The following UBE2F variants were observed in gnomAD, a reference collection of about 807,000 sequenced individuals.
UBE2F encodes the protein ubiquitin conjugating enzyme E2 F (putative).
UBE2F carries 5 observed loss-of-function variants against 29.6 expected under a neutral mutation model. The observed-to-expected ratio is 0.17, with a 90% CI of 0.09 to 0.36. The LOEUF (loss-of-function observed/expected upper bound fraction) is 0.36. Ranked by LOEUF, UBE2F falls within the 10% of genes least tolerant of loss-of-function variation. The pLI, the probability that UBE2F is intolerant of heterozygous loss-of-function variation, is 1.00. For synonymous variants in UBE2F, 66 were observed against 81.8 expected (o/e 0.81, Z 1.04); for missense variants, 141 against 228.5 (o/e 0.62, Z 2.47).
intron 6 of UBE2F, among the ~76,000 whole-genome samples, chr2:238,029,385 G>A (rs566308450): frequency 7.2e-5 from 11 of 152,046 alleles, no homozygotes; most frequent in Admixed American, 2.6e-4. Context: ...TCAGGAGATC[G>A]AGACCATCCT....
chr2:238,019,307 T>C (rs2064236427), intron 5 of UBE2F, among the ~76,000 whole-genome samples: 1 of 152,190 alleles, frequency 6.6e-6, no homozygotes. Flanking sequence ...CTGGTGGCTC[T>C]GCATGAACCA....
intron 2 of UBE2F, 114 bp downstream of exon 2, chr2:237,973,339 G>A (rs930188895): frequency 8.3e-7 from 1 of 1,206,570 alleles, no homozygotes; most frequent in East Asian, 2.4e-5. Context: ...CTGTTTAAAA[G>A]ATTTTAAAAT....
chr2:237,970,627 T>A (rs1162145051), intron 1 of UBE2F, among the ~76,000 whole-genome samples: 1 of 152,230 alleles, frequency 6.6e-6, no homozygotes, highest in East Asian at 1.9e-4. Context: ...GTTTAGGGTA[T>A]GTGTATGTCC....
At chr2:237,990,287 TTC>T (rs2063558492) in intron 3 of UBE2F, 2 of 388,954 alleles carry the variant, frequency 5.1e-6, no homozygotes, top group African/African-American at 4.3e-5. Flanking sequence ...CATTATACTC[TTC>T]TCTTTTATTA....
At chr2:237,970,384 CAAA>C (rs1288982415) in intron 1 of UBE2F, among the ~76,000 whole-genome samples, 2 of 152,206 alleles carry the variant, frequency 1.3e-5, no homozygotes, top group African/African-American at 2.4e-5. Context: ...AAAAAACAAA[CAAA>C]AAACATTTTT....
rs57180067 is a variant in UBE2F, at chr2:237,991,609, C to CTTTCTTTTTTTTTTTTTTTTTTTTTTTTT, written c.149-3132_149-3131insCTTTTTTTTTTTTTTTTTTTTTTTTTTTT. Among the ~76,000 whole-genome samples the CTTTCTTTTTTTTTTTTTTTTTTTTTTTTT allele has an allele frequency of 1.3e-3, 71 of 53,040 alleles. 9 individuals carry two copies. Among genetic ancestry groups the CTTTCTTTTTTTTTTTTTTTTTTTTTTTTT allele is most frequent in the East Asian group, 2.7e-3 (3 of 1,104 alleles). The allele number at this position is 53,040 out of a possible 152,430, so 34.8% of individuals were successfully genotyped here. On this transcript the variant is annotated intron_variant, in intron 3 of 9. Transcript: ENST00000272930. ...AACCTTTCTTTTCTTTTCTTTCTTT[C>CTTTCTTTTTTTTTTTTTTTTTTTTTTTTT]TTTTTTTTTTTTTGAGACAGTCTTG... is the stretch of plus-strand genomic sequence containing the variant.
Position 237,967,496 on chromosome 2 carries a change from A to C in UBE2F, c.-17+364A>C, listed in dbSNP as rs550637039. Among the ~76,000 whole-genome samples the C allele has an allele frequency of 1.8e-4, 27 of 152,096 alleles. No homozygotes were observed. Among genetic ancestry groups the C allele is most frequent in the African/African-American group, 6.5e-4 (27 of 41,524 alleles). On this transcript the variant is annotated intron_variant, in intron 1 of 9. Transcript: ENST00000272930. The surrounding 1 kb of genome is among the most constrained non-coding windows in gnomAD (Gnocchi z 6.3). ...ACAGACCTGGCCGCGCTCACGCCCC[A>C]CTCGCGGGATCGGCTGCCTGCCTTG...
intron 2 of UBE2F, among the ~76,000 whole-genome samples, chr2:237,986,772 C>G (rs2063489356): frequency 6.6e-6 from 1 of 152,190 alleles, no homozygotes; most frequent in Non-Finnish European, 1.5e-5. Flanking sequence ...AAGGAACTAT[C>G]CTTTCCCCAT....
chr2:238,000,402 G>A (rs780968193), intron 4 of UBE2F, among the ~76,000 whole-genome samples: 1 of 151,844 alleles, frequency 6.6e-6, no homozygotes, highest in Non-Finnish European at 1.5e-5. Flanking sequence ...ATCTATTTTA[G>A]TGTTTTTAAA....
chr2:238,025,047 C>G (rs983850391), intron 5 of UBE2F, among the ~76,000 whole-genome samples: 4 of 152,174 alleles, frequency 2.6e-5, no homozygotes, highest in African/African-American at 4.8e-5. Flanking sequence ...TGACAGAGGT[C>G]CAGTCACCAG....
chr2:238,039,361 G>T (rs1342964231), intron 9 of UBE2F, among the ~76,000 whole-genome samples: 1 of 152,252 alleles, frequency 6.6e-6, no homozygotes, highest in Non-Finnish European at 1.5e-5. Flanking sequence ...ACCTTGGCTG[G>T]CAGTGCAAAG....
chr2:238,025,581 C>G (rs1364549879), intron 6 of UBE2F, among the ~76,000 whole-genome samples, 169 bp downstream of exon 6: 3 of 152,152 alleles, frequency 2.0e-5, no homozygotes, highest in Non-Finnish European at 2.9e-5. Flanking sequence ...CAAACCCTAC[C>G]CTACCTTCTG....
At chr2:238,030,896 A>G (rs937488562) in intron 7 of UBE2F, among the ~76,000 whole-genome samples, 58 of 152,224 alleles carry the variant, frequency 3.8e-4, no homozygotes, top group Non-Finnish European at 1.2e-4. Context: ...CACCCGCCAC[A>G]TAGGAAACCT....
At chr2:237,990,458 A>G in intron 3 of UBE2F, 1 of 447,042 alleles carries the variant, frequency 2.2e-6, no homozygotes, top group Non-Finnish European at 4.5e-6. Flanking sequence ...GTTGGAGTAC[A>G]GTGGCATGAG....
intron 5 of UBE2F, among the ~76,000 whole-genome samples, chr2:238,024,535 G>A (rs369442630): frequency 1.3e-5 from 2 of 151,896 alleles, no homozygotes; most frequent in Non-Finnish European, 1.5e-5. Flanking sequence ...GGAGAGACAG[G>A]GTCTTACTAT....
chr2:238,009,467 A>C (rs1347573351), intron 4 of UBE2F, among the ~76,000 whole-genome samples: 1 of 152,138 alleles, frequency 6.6e-6, no homozygotes, highest in East Asian at 1.9e-4. Flanking sequence ...GTTTTTCTGC[A>C]ATGTCTCATT....
intron 3 of UBE2F, among the ~76,000 whole-genome samples, chr2:237,991,501 G>GCCTA (rs1306210768): frequency 6.6e-6 from 1 of 150,452 alleles, no homozygotes; most frequent in African/African-American, 2.4e-5. Context: ...GATAGTGCAT[G>GCCTA]CCTACATGTA....
At chr2:238,028,397 A>G (rs1324295660) in intron 6 of UBE2F, among the ~76,000 whole-genome samples, 1 of 152,280 alleles carries the variant, frequency 6.6e-6, no homozygotes, top group Non-Finnish European at 1.5e-5. Context: ...CATTCAACAA[A>G]TAAATGACAA....
At position 237,973,057 on chromosome 2, in the gene UBE2F, TGGTC is replaced by T. The variant is rs2063207875; in HGVS notation, c.-16-34_-16-31del. 2.6e-6 allele frequency: 4 copies of T among 1,568,024 alleles called. No individual in the cohort carries two copies. The East Asian group carries it at 9.1e-5, about 36-fold the overall frequency. ...AGTGTCTAATTAGTCTCTGGAGACC[TGGTC>T]CTTAACCCTGCTTTCATTGCTGTCT... On this transcript the variant is annotated intron_variant, in intron 1 of 9. Coordinates refer to ENST00000272930, the MANE Select transcript of UBE2F (RefSeq NM_080678.3).
Sources: allele counts gnomAD v4.1 joint callset (sites outside exome capture counted in the v4.1 genomes callset), GRCh38; gene constraint gnomAD v4.1.1; non-coding constraint Gnocchi (gnomAD v3.1); transcripts MANE v1.5; gene names NCBI Gene and HGNC (gene_info 2026-07-23, HGNC 2026-07-21).